The following ZNF493 variants were observed in gnomAD, a reference collection of about 807,000 sequenced individuals.
ZNF493 encodes zinc finger protein 493.
ZNF493 carries 11 observed loss-of-function variants against 12.2 expected under a neutral mutation model. The ratio of observed to expected loss-of-function variants is 0.90; its 90% CI spans 0.57 to 1.50. ZNF493 has a LOEUF of 1.50. Ranked by LOEUF, ZNF493 falls within the 40% of genes most tolerant of loss-of-function variation. The probability of loss-of-function intolerance (pLI) is 0.00; values close to 1 mark genes in which losing one functional copy is unlikely to be tolerated. For missense variants in ZNF493, 950 were observed against 906.6 expected, an observed-to-expected ratio of 1.05 and a Z score of -0.61; for synonymous variants, 286 against 302.6, an observed-to-expected ratio of 0.95 and a Z score of 0.57.
chr19:21,411,535 C>T (rs1208053898), intron 3 of ZNF493, among the ~76,000 whole-genome samples: 3 of 151,944 alleles, frequency 2.0e-5, no homozygotes, highest in African/African-American at 7.3e-5. Context: ...GCCTGGGCAA[C>T]AAAGTGAAAC....
At chr19:21,398,702 C>T (rs567671783) in intron 1 of ZNF493, 5 of 296,688 alleles carry the variant, frequency 1.7e-5, no homozygotes, top group South Asian at 3.5e-5. Context: ...TATTTTGAAA[C>T]GGGTAACCCT....
In ZNF493 at chr19:21,397,144, C is replaced by G; in HGVS notation, c.-94C>G. 6.9e-7 allele frequency: 1 copy of G among 1,453,968 alleles called. No individual in the cohort carries two copies. The highest frequency in any genetic ancestry group is 1.4e-5 in the African/African-American group (1 of 72,242). The allele number at this position is 1,453,968 out of a possible 1,614,324, so 90.1% of individuals were successfully genotyped here. A position where few individuals can be genotyped will look rare whatever the true frequency, so the allele number is the denominator to read the frequency against. On this transcript the variant is annotated 5_prime_UTR_variant, in exon 1 of 4. Coordinates refer to ENST00000392288, the MANE Select transcript of ZNF493 (RefSeq NM_001076678.3). The stretch of plus-strand genomic sequence containing the variant: ...GATGTGGCTGGGCCATTGTTTCTCT[C>G]TGCTGCCGGAGCTCCAGGTCTACCC...
chr19:21,405,727 G>A, intron 2 of ZNF493, 34 bp from the exon 3 acceptor site: 1 of 1,564,526 alleles, frequency 6.4e-7, no homozygotes. Context: ...GAGAATATGA[G>A]CAAGATTCAT....
intron 3 of ZNF493, among the ~76,000 whole-genome samples, chr19:21,420,623 A>ATATTTATTTT (rs1568382528): frequency 6.2e-5 from 1 of 16,124 alleles, no homozygotes; most frequent in African/African-American, 2.2e-4. Context: ...ATATATATAT[A>ATATTTATTTT]TTTTTTTTTT....
intron 3 of ZNF493, chr19:21,408,881 C>CTTTTT (rs201812196): frequency 8.4e-6 from 5 of 595,398 alleles, no homozygotes; most frequent in African/African-American, 2.1e-5. Context: ...TTCTTTCTTT[C>CTTTTT]TTTTTTTTTT....
At position 21,424,531 on chromosome 19, in the gene ZNF493, T is replaced by A; in HGVS notation, c.1872T>A (p.Thr624=). The change falls in exon 4 of 4, where the codon ACT becomes ACA. Residue 624 remains threonine, a synonymous_variant. Transcript: ENST00000392288. Reference sequence around the variant, plus strand: ...TTAGTATACATAAGAAAATTCATACTGGAGAAAAACCCTACAAATGTGAAG... The same window carrying A: ...TTAGTATACATAAGAAAATTCATACAGGAGAAAAACCCTACAAATGTGAAG... ...SILSIHKKIH[T]GEKPYKCEEC... is the part of the protein sequence containing the mutation. 6.2e-7 allele frequency: 1 copy of A among 1,613,464 alleles called. No individual in the cohort carries two copies. The highest frequency in any genetic ancestry group is 1.1e-5 in the South Asian group (1 of 90,994).
At chr19:21,401,710 C>A (rs2029952191) in intron 1 of ZNF493, among the ~76,000 whole-genome samples, 2 of 151,736 alleles carry the variant, frequency 1.3e-5, no homozygotes, top group East Asian at 3.9e-4. Context: ...ACTGCAACCT[C>A]CACCTCCTGA....
At position 21,405,792 on chromosome 19, in the gene ZNF493, C is replaced by T. The variant is rs778937791; in HGVS notation, c.189C>T (p.Thr63=). The change falls in exon 3 of 4, where the codon ACC becomes ACT. Residue 63 remains threonine (T), a synonymous_variant. Coordinates refer to ENST00000392288, the MANE Select transcript of ZNF493 (RefSeq NM_001076678.3). ...GIAVSKPDLV[T]CLEQGKDPWN... The stretch of plus-strand genomic sequence containing the variant: ...CTGTCTCTAAGCCAGATCTGGTCAC[C>T]TGTCTGGAGCAAGGAAAAGATCCCT... The T allele has an allele frequency of 1.9e-6, 3 of 1,603,912 alleles. No individual in the cohort carries two copies. In the African/African-American group the frequency reaches 4.0e-5, roughly 22 times the overall value.
intron 1 of ZNF493, 101 bp from the exon 2 acceptor site, chr19:21,405,028 G>A (rs189126391): frequency 1.7e-5 from 25 of 1,511,792 alleles, no homozygotes; most frequent in Non-Finnish European, 1.9e-5. Flanking sequence ...AAGTCAGAAC[G>A]AATTTTCTTT....
At chr19:21,414,057 A>T (rs958839704) in intron 3 of ZNF493, 1 of 152,298 alleles carries the variant, frequency 6.6e-6, no homozygotes, top group Non-Finnish European at 1.5e-5. Flanking sequence ...TGGCTAGTAT[A>T]GCCTGGGGCA....
At position 21,399,153 on chromosome 19, in the gene ZNF493, T is replaced by C. The variant is rs557474936; in HGVS notation, c.30+1886T>C. ...TCAGACACATCTGTTATTTATTTAT[T>C]TTTTATTTTTTATTTTTTTATTTTT... On this transcript the variant is annotated intron_variant, in intron 1 of 3. Coordinates refer to ENST00000392288, the MANE Select transcript of ZNF493 (RefSeq NM_001076678.3). Among the ~76,000 whole-genome samples, 77 of 152,036 alleles carry C rather than the reference T, an allele frequency of 5.1e-4. 2 individuals are homozygous for C. The South Asian group carries it at 0.016, about 31-fold the overall frequency.
rs2030853385 is a variant in ZNF493 at position 21,426,262 on chromosome 19, T to G, written c.*1278T>G. On this transcript the variant is annotated 3_prime_UTR_variant, in exon 4 of 4. Transcript: ENST00000392288. ...TAGGTAATATTCATATTGGAAAAAT[T>G]TCCTACAAGTAAGAACAATGTGGCA... is the stretch of plus-strand genomic sequence containing the variant. 1 of 188,612 alleles carries G rather than the reference T, an allele frequency of 5.3e-6. No individual in the cohort carries two copies. Among genetic ancestry groups the G allele is most frequent in the South Asian group, 1.3e-4 (1 of 7,860 alleles). The allele number at this position is 188,612 out of a possible 1,614,324, so 11.7% of individuals were successfully genotyped here.
At chr19:21,422,444 T>C (rs1220940907) in intron 3 of ZNF493, among the ~76,000 whole-genome samples, 2 of 126,292 alleles carry the variant, frequency 1.6e-5, no homozygotes, top group Non-Finnish European at 3.5e-5. Flanking sequence ...TATTTATTTA[T>C]TTATTTATTT....
At position 21,402,059 on chromosome 19, in the gene ZNF493, A is replaced by G. The variant is rs1443964003; in HGVS notation, c.31-3070A>G. On this transcript the variant is annotated intron_variant, in intron 1 of 3. Transcript: ENST00000392288. ...CTCGGCTCACTGCAACCTCCACCTC[A>G]TGGGTTCATGCCATTCTCCTGCCTC... Among the ~76,000 whole-genome samples, 5 of 152,020 alleles carry G rather than the reference A, an allele frequency of 3.3e-5. No homozygotes were observed. In the East Asian group the frequency reaches 9.7e-4, roughly 30 times the overall value.
In ZNF493 at chr19:21,424,301, G is replaced by A. The variant is rs930485691; in HGVS notation, c.1642G>A (p.Glu548Lys). Residue 548 changes from glutamate (E) to lysine (K), a missense_variant, in exon 4 of 4, where the codon GAA becomes AAA. Transcript: ENST00000392288. ...IHTGEKPYKC[E>K]ECGKAFNRSS... is the part of the protein sequence containing the mutation. ...CACTGGAGAAAAACCCTACAAATGT[G>A]AAGAATGTGGCAAAGCTTTTAATCG... 1.9e-6 allele frequency: 3 copies of A among 1,613,302 alleles called. No homozygotes were observed. Among genetic ancestry groups the A allele is most frequent in the African/African-American group, 1.3e-5 (1 of 74,830 alleles).
intron 1 of ZNF493, chr19:21,397,644 G>A (rs1974194713): frequency 2.2e-6 from 1 of 465,028 alleles, no homozygotes; most frequent in Admixed American, 3.7e-5. Context: ...GTTCCCAGTT[G>A]CTATTTTCTC....
At position 21,397,263 on chromosome 19, in the gene ZNF493, A is replaced by G; in HGVS notation, c.26A>G (p.Asp9Gly). Residue 9 changes from aspartate (D) to glycine (G), a missense_variant, in exon 1 of 4, where the codon GAC (aspartate) becomes GGC (glycine). Coordinates refer to ENST00000392288, the MANE Select transcript of ZNF493 (RefSeq NM_001076678.3). MPGPPESL[D>G]MGPLTFRDVA... Reference sequence around the variant, plus strand: ...ATGCCAGGACCCCCTGAAAGCCTAGACATGGTGAGAGTGCTGGGTCCGACA... The same window carrying G: ...ATGCCAGGACCCCCTGAAAGCCTAGGCATGGTGAGAGTGCTGGGTCCGACA... 4 of 1,614,226 alleles carry G rather than the reference A, an allele frequency of 2.5e-6. No individual in the cohort carries two copies. The African/African-American group carries it at 4.0e-5, about 16-fold the overall frequency.
intron 3 of ZNF493, among the ~76,000 whole-genome samples, chr19:21,416,071 C>A (rs1160942700): frequency 6.6e-6 from 1 of 152,206 alleles, no homozygotes; most frequent in African/African-American, 2.4e-5. Context: ...TTCTCTAAAG[C>A]CTCCAGTTTC....
At chr19:21,416,035 C>T (rs1261325640) in intron 3 of ZNF493, among the ~76,000 whole-genome samples, 1 of 152,088 alleles carries the variant, frequency 6.6e-6, no homozygotes, top group African/African-American at 2.4e-5. Flanking sequence ...GCTATGTGCC[C>T]ATTTTCTAAT....
Sources: allele counts gnomAD v4.1 joint callset (sites outside exome capture counted in the v4.1 genomes callset), GRCh38; gene constraint gnomAD v4.1.1; transcripts MANE v1.5; gene names NCBI Gene and HGNC (gene_info 2026-07-23, HGNC 2026-07-21).